Variants in ELMO1 observed in about 807,000 individuals in gnomAD.
ELMO1 encodes the protein engulfment and cell motility protein 1.
ELMO1 carries 26 observed loss-of-function variants against 98.9 expected under a neutral mutation model. That is an observed-to-expected ratio of 0.26 (90% CI 0.19 to 0.36). The LOEUF is 0.36. ELMO1 is among the 10% of genes least tolerant of loss of function. The pLI is 1.00. For synonymous variants in ELMO1, 346 were observed against 346.0 expected, an observed-to-expected ratio of 1.00 and a Z score of 0.00; for missense variants, 627 against 935.2, an observed-to-expected ratio of 0.67 and a Z score of 4.30.
chr7:37,069,903 GA>G (rs1169361837), intron 15 of ELMO1, among the ~76,000 whole-genome samples: 1 of 152,120 alleles, frequency 6.6e-6, no homozygotes, highest in East Asian at 1.9e-4. Context: ...TTGAGAACAT[GA>G]GCTAATTTCT....
intron 7 of ELMO1, among the ~76,000 whole-genome samples, chr7:37,241,384 A>T (rs75195262): frequency 0.079 from 12,067 of 152,022 alleles, 792 homozygotes; most frequent in East Asian, 0.17. Flanking sequence ...TTCAACGTAC[A>T]TGTGCCCTTG....
chr7:36,860,506 T>C (rs1584261867), intron 21 of ELMO1, among the ~76,000 whole-genome samples: 1 of 152,256 alleles, frequency 6.6e-6, no homozygotes, highest in South Asian at 2.1e-4. Flanking sequence ...GTGGCAGATA[T>C]GAATAAAAAT....
At chr7:37,044,033 A>G (rs1795670971) in intron 15 of ELMO1, among the ~76,000 whole-genome samples, 1 of 152,212 alleles carries the variant, frequency 6.6e-6, no homozygotes, top group African/African-American at 2.4e-5. Context: ...GAAGCATGAG[A>G]TGTTTATTTA....
chr7:37,440,824 G>A (rs139643789), intron 1 of ELMO1, among the ~76,000 whole-genome samples: 3,460 of 151,142 alleles, frequency 0.023, 49 homozygotes, highest in Non-Finnish European at 0.033. Context: ...AGGGGTGGAC[G>A]GGAGTCAAAT....
At chr7:37,178,142 A>AG (rs2129937087) in intron 13 of ELMO1, among the ~76,000 whole-genome samples, 1 of 152,146 alleles carries the variant, frequency 6.6e-6, no homozygotes, top group African/African-American at 2.4e-5. Flanking sequence ...GACATACCCG[A>AG]GACTGGGTAA....
chr7:36,858,232 T>C (rs1802354203), intron 21 of ELMO1, among the ~76,000 whole-genome samples: 2 of 152,132 alleles, frequency 1.3e-5, no homozygotes, highest in Non-Finnish European at 2.9e-5. Flanking sequence ...ATCCCTTTAA[T>C]AAAGAAGGAA....
At chr7:37,089,798 T>G (rs903164782) in intron 15 of ELMO1, among the ~76,000 whole-genome samples, 3 of 152,188 alleles carry the variant, frequency 2.0e-5, no homozygotes, top group African/African-American at 7.2e-5. Context: ...TTTCAAGTAA[T>G]TATTTATCCC....
At chr7:37,013,690 G>C in intron 15 of ELMO1, 1 of 402,586 alleles carries the variant, frequency 2.5e-6, no homozygotes, top group Non-Finnish European at 4.6e-6. Flanking sequence ...ACCCATGCCA[G>C]GACAAGACCC....
intron 13 of ELMO1, among the ~76,000 whole-genome samples, chr7:37,166,130 G>T (rs1007427991): frequency 1.3e-5 from 2 of 152,188 alleles, no homozygotes; most frequent in Non-Finnish European, 2.9e-5. Flanking sequence ...CTGCATAGAG[G>T]TGTTTGTAGT....
intron 20 of ELMO1, among the ~76,000 whole-genome samples, chr7:36,865,592 C>T (rs1160864940): frequency 6.6e-6 from 1 of 152,168 alleles, no homozygotes; most frequent in African/African-American, 2.4e-5. Flanking sequence ...GGCCCTTGTG[C>T]CTTTTCAGAC....
intron 14 of ELMO1, among the ~76,000 whole-genome samples, chr7:37,103,797 C>T (rs1784782544): frequency 6.6e-6 from 1 of 151,352 alleles, no homozygotes; most frequent in South Asian, 2.1e-4. Flanking sequence ...GAGATCAAAA[C>T]CATCCTGGCT....
At chr7:37,032,698 C>T (rs768736106) in intron 15 of ELMO1, among the ~76,000 whole-genome samples, 2 of 152,194 alleles carry the variant, frequency 1.3e-5, no homozygotes, top group Non-Finnish European at 2.9e-5. Flanking sequence ...CTGGATGCCT[C>T]AAGATGCTCA....
chr7:37,091,794 A>C lies in ELMO1; in HGVS notation c.1300+4825T>G, dbSNP rs79897429. Reference sequence around the variant, plus strand: ...AGGCCTCACAATCATGGTGGAAGGCAAAAGGCAAGTCTTACATGGCGGCAG... The same window carrying C: ...AGGCCTCACAATCATGGTGGAAGGCCAAAGGCAAGTCTTACATGGCGGCAG... On this transcript the variant is annotated intron_variant, in intron 15 of 21. Coordinates refer to ENST00000310758, the MANE Select transcript of ELMO1 (RefSeq NM_014800.11). 5.1e-3 allele frequency among the ~76,000 whole-genome samples: 773 copies of C among 152,326 alleles called. 9 individuals are homozygous for C. Among genetic ancestry groups the C allele is most frequent in the African/African-American group, 0.018 (729 of 41,566 alleles).
At chr7:36,926,294 G>A (rs1456720483) in intron 16 of ELMO1, among the ~76,000 whole-genome samples, 1 of 152,188 alleles carries the variant, frequency 6.6e-6, no homozygotes, top group African/African-American at 2.4e-5. Context: ...CCAGGCTTGG[G>A]CCTGGAGTGA....
intron 1 of ELMO1, among the ~76,000 whole-genome samples, chr7:37,361,422 G>C (rs1203828003): frequency 1.3e-5 from 2 of 152,134 alleles, no homozygotes; most frequent in East Asian, 3.9e-4. Flanking sequence ...CCCTATTTTT[G>C]TAGTCAAAGT....
chr7:36,864,321 C>T (rs1046846384), intron 20 of ELMO1, among the ~76,000 whole-genome samples: 7 of 152,172 alleles, frequency 4.6e-5, no homozygotes, highest in African/African-American at 1.7e-4. Flanking sequence ...CCTTCTATGA[C>T]ATATACCACT....
chr7:37,169,653 T>G (rs1454765920), intron 13 of ELMO1, among the ~76,000 whole-genome samples: 1 of 152,230 alleles, frequency 6.6e-6, no homozygotes, highest in African/African-American at 2.4e-5. Flanking sequence ...TGCTTTTTCT[T>G]TTTACATTTT....
At chr7:37,086,603 T>C (rs917622536) in intron 15 of ELMO1, among the ~76,000 whole-genome samples, 7 of 151,112 alleles carry the variant, frequency 4.6e-5, no homozygotes, top group Non-Finnish European at 1.0e-4. Flanking sequence ...ATTAGCCCAG[T>C]GTGGTGGTGC....
rs531381507 is a variant in ELMO1 at position 37,390,300 on chromosome 7, T to C, written c.-73-47537A>G. On this transcript the variant is annotated intron_variant, in intron 1 of 21. Coordinates refer to ENST00000310758, the MANE Select transcript of ELMO1 (RefSeq NM_014800.11). The stretch of plus-strand genomic sequence containing the variant: ...TCAGGCTTGCGCCACTTGCATGGAG[T>C]ATGAACGGTTTCACATGAAGCCCGC... 2.6e-5 allele frequency among the ~76,000 whole-genome samples: 4 copies of C among 152,184 alleles called. No homozygotes were observed. The East Asian group carries it at 7.7e-4, about 29-fold the overall frequency.
Sources: allele counts gnomAD v4.1 joint callset (sites outside exome capture counted in the v4.1 genomes callset), GRCh38; gene constraint gnomAD v4.1.1; transcripts MANE v1.5; gene names NCBI Gene and HGNC (gene_info 2026-07-23, HGNC 2026-07-21).